HIP1R: variants seen among roughly 807,000 people sequenced by gnomAD.
The protein encoded by HIP1R is huntingtin-interacting protein 1-related protein.
HIP1R carries 135 observed loss-of-function variants against 144.2 expected under a neutral mutation model. That is an observed-to-expected ratio of 0.94 (90% CI 0.81 to 1.08). The LOEUF (loss-of-function observed/expected upper bound fraction) is 1.08, where lower values mean the gene tolerates loss of function less well. Ranked by LOEUF, HIP1R falls within the 50% of genes least tolerant of loss-of-function variation. HIP1R has a pLI of 0.00. For missense variants in HIP1R, 1,462 were observed against 1,432.8 expected (o/e 1.02, Z -0.33); for synonymous variants, 698 against 612.8 (o/e 1.14, Z -2.05).
chr12:122,858,764 GCCA>G, intron 20 of HIP1R, 71 bp from the exon 21 acceptor site: 1 of 1,043,156 alleles, frequency 9.6e-7, no homozygotes, highest in Non-Finnish European at 1.5e-6. Flanking sequence ...GGGATAGCTG[GCCA>G]CCGACGGTGG....
rs1205864811 is a variant in HIP1R at position 122,848,446 on chromosome 12, A to G, written c.158-20A>G. The G allele has an allele frequency of 3.1e-6, 5 of 1,600,796 alleles. No homozygotes were observed. In the African/African-American group the frequency reaches 5.4e-5, roughly 17 times the overall value. On this transcript the variant is annotated intron_variant, in intron 2 of 31. Transcript: ENST00000253083. ...CCCGTGCTCCAGTCTCTGCTTCCAC[A>G]CTTGGCCTTGACATTGCAGGCATCA...
chr12:122,859,448 A>T lies in HIP1R; in HGVS notation c.2318A>T (p.Asp773Val), dbSNP rs922306090. ...LGQELKPKSLDVRQEELGAVV... is the reference protein window; with the variant it reads ...LGQELKPKSLVVRQEELGAVV... Reference sequence around the variant, plus strand: ...CAGGAACTGAAACCCAAGAGCCTAGATGTGCGGCAGGAGGAGCTGGGGGCC... The same window carrying T: ...CAGGAACTGAAACCCAAGAGCCTAGTTGTGCGGCAGGAGGAGCTGGGGGCC... The change falls in exon 23 of 32, where the codon GAT (aspartate) becomes GTT (valine). Residue 773 changes from aspartate to valine, a missense_variant. This residue lies in a region of HIP1R where 1,112 missense variants were observed against 1,011.7 expected (regional missense o/e 1.10). Transcript: ENST00000253083. 1 of 1,613,404 alleles carries T rather than the reference A, an allele frequency of 6.2e-7. No homozygotes were observed. The highest frequency in any genetic ancestry group is 8.5e-7 in the Non-Finnish European group (1 of 1,179,910).
At chr12:122,858,312 C>T (rs368854103) in intron 19 of HIP1R, 37 bp from the exon 20 acceptor site, 64 of 1,591,336 alleles carry the variant, frequency 4.0e-5, no homozygotes, top group Admixed American at 2.2e-4. Flanking sequence ...CCCTGAGCAG[C>T]GGGTGGCAGG....
At chr12:122,860,283 G>A in intron 26 of HIP1R, 73 bp downstream of exon 26, 3 of 1,535,822 alleles carry the variant, frequency 2.0e-6, no homozygotes, top group Non-Finnish European at 2.6e-6. Flanking sequence ...CTGGGCATGA[G>A]ACCCTCCACC....
chr12:122,856,584 T>A, intron 16 of HIP1R, 36 bp downstream of exon 16: 3 of 1,598,580 alleles, frequency 1.9e-6, no homozygotes, highest in Non-Finnish European at 2.6e-6. Flanking sequence ...TGCCCCGGCA[T>A]CCCCAGCCCA....
rs867966807 is a variant in HIP1R, at chr12:122,859,197, G to C, written c.2295G>C (p.Gln765His). 19 of 1,570,792 alleles carry C rather than the reference G, an allele frequency of 1.2e-5. No individual in the cohort carries two copies. Among genetic ancestry groups the C allele is most frequent in the Non-Finnish European group, 1.6e-5 (19 of 1,158,622 alleles). The part of the protein sequence containing the change: ...TPLQGILQLG[Q>H]ELKPKSLDVR... The stretch of plus-strand genomic sequence containing the variant: ...TGCAGGGCATCCTTCAGCTGGGCCA[G>C]GTGAGGCACAGCTGAGTGTGGGTTT... Residue 765 changes from glutamine (Q) to histidine (H), a missense_variant and splice_region_variant, in exon 22 of 32, where the codon CAG (glutamine) becomes CAC (histidine). Coordinates refer to ENST00000253083, the MANE Select transcript of HIP1R (RefSeq NM_003959.3).
At chr12:122,848,700 G>C (rs376804189) in intron 3 of HIP1R, 92 bp downstream of exon 3, 2 of 1,596,698 alleles carry the variant, frequency 1.3e-6, no homozygotes, top group African/African-American at 1.3e-5. Flanking sequence ...CCGTAGCTCC[G>C]GGCTGTTCCT....
At chr12:122,835,966 G>A (rs935692502) in intron 1 of HIP1R, among the ~76,000 whole-genome samples, 1 of 151,598 alleles carries the variant, frequency 6.6e-6, no homozygotes, top group African/African-American at 2.4e-5. Context: ...CGGAGCTGAG[G>A]CGGCGGGGGA....
chr12:122,845,488 C>T (rs1407071830), intron 1 of HIP1R, among the ~76,000 whole-genome samples: 1 of 152,194 alleles, frequency 6.6e-6, no homozygotes, highest in Non-Finnish European at 1.5e-5. Flanking sequence ...CACTGAGGCC[C>T]AGGCGCACAG....
At position 122,859,847 on chromosome 12, in the gene HIP1R, T is replaced by TC. The variant is rs1446978131; in HGVS notation, c.2465+23dup. 9 of 1,609,236 alleles carry TC rather than the reference T, an allele frequency of 5.6e-6. No individual in the cohort carries two copies. Among genetic ancestry groups the TC allele is most frequent in the Admixed American group, 3.3e-5 (2 of 59,704 alleles). ...GAACGAGAGGTGAGCCCCCCTTCTG[T>TC]CCCCCCAGGCCCAGCCGAGGTGGGC... is the stretch of plus-strand genomic sequence containing the variant. On this transcript the variant is annotated intron_variant, in intron 24 of 31. Transcript: ENST00000253083.
chr12:122,856,269 C>T lies in HIP1R; in HGVS notation c.1326C>T (p.Ala442=). 1 of 1,613,780 alleles carries T rather than the reference C, an allele frequency of 6.2e-7. No individual in the cohort carries two copies. Among genetic ancestry groups the T allele is most frequent in the Non-Finnish European group, 8.5e-7 (1 of 1,179,978 alleles). Residue 442 remains alanine, a synonymous_variant, in exon 15 of 32, where the codon GCC becomes GCT. Coordinates refer to ENST00000253083, the MANE Select transcript of HIP1R (RefSeq NM_003959.3). ...TCTCGCCCCCAGGGAAGGCCAGTGC[C>T]ACGGAGGCGCGCTACAACAAGCTGA... ...LREEAERKAS[A]TEARYNKLKE...
intron 8 of HIP1R, 108 bp from the exon 9 acceptor site, chr12:122,854,797 A>C (rs2292136): frequency 0.028 from 33,556 of 1,203,788 alleles, 726 homozygotes; most frequent in South Asian, 0.056. Context: ...GCCCGGTCTC[A>C]GGTGATCTCT....
intron 1 of HIP1R, among the ~76,000 whole-genome samples, chr12:122,844,999 C>T (rs776055397): frequency 9.9e-5 from 15 of 152,222 alleles, no homozygotes; most frequent in Non-Finnish European, 2.1e-4. Flanking sequence ...TCACCCCACT[C>T]GGCAGCTGTG....
intron 1 of HIP1R, among the ~76,000 whole-genome samples, chr12:122,844,711 T>C (rs1429748012): frequency 6.6e-6 from 1 of 152,196 alleles, no homozygotes; most frequent in East Asian, 1.9e-4. Flanking sequence ...ACATGTGTCC[T>C]TATGATCTTC....
Position 122,858,420 on chromosome 12 carries a change from C to A in HIP1R, c.2035C>A (p.Leu679Met). 2 of 1,607,612 alleles carry A rather than the reference C, an allele frequency of 1.2e-6. No individual in the cohort carries two copies. Among genetic ancestry groups the A allele is most frequent in the Admixed American group, 1.7e-5 (1 of 59,520 alleles). Residue 679 changes from leucine to methionine, a missense_variant, in exon 20 of 32, where the codon CTG (leucine) becomes ATG (methionine). Leu to Met is a conservative substitution (Grantham distance 15, BLOSUM62 2). Around this residue, in one of 2 missense-constraint regions of HIP1R, gnomAD observed 1,112 missense variants for 1,011.7 expected, o/e 1.10. Coordinates refer to ENST00000253083, the MANE Select transcript of HIP1R (RefSeq NM_003959.3). ...CCTGGAGGAGGGCCACGCCCAGTAC[C>A]TGACCTCCTTGGCAGGTGAGTGTAG... ...STLEEGHAQY[L>M]TSLADASALV...
intron 5 of HIP1R, 173 bp downstream of exon 5, chr12:122,850,128 G>A (rs755167763): frequency 4.3e-6 from 3 of 699,330 alleles, no homozygotes; most frequent in Non-Finnish European, 5.2e-6. Flanking sequence ...AGGGCATCAC[G>A]AAGCTCCTAG....
Position 122,857,167 on chromosome 12 carries a change from G to A in HIP1R, c.1767G>A (p.Gln589=). Residue 589 remains glutamine, a synonymous_variant, in exon 18 of 32, where the codon CAG becomes CAA. Transcript: ENST00000253083. ...ETEAALSREQ[Q]RSSQEQGELQ... is the part of the protein sequence containing the mutation. Reference sequence around the variant, plus strand: ...AGGCGGCGCTGAGCCGGGAGCAGCAGCGCAGCTCCCAGGAGCAGGGCGAGT... The same window carrying A: ...AGGCGGCGCTGAGCCGGGAGCAGCAACGCAGCTCCCAGGAGCAGGGCGAGT... The A allele has an allele frequency of 6.4e-7, 1 of 1,550,440 alleles. No homozygotes were observed. Among genetic ancestry groups the A allele is most frequent in the Admixed American group, 2.0e-5 (1 of 51,008 alleles).
At chr12:122,842,457 T>A (rs111374106) in intron 1 of HIP1R, among the ~76,000 whole-genome samples, 3,636 of 152,344 alleles carry the variant, frequency 0.024, 91 homozygotes, top group South Asian at 0.061. Context: ...CCTTCGAGTG[T>A]TCACCCTTCC....
chr12:122,846,036 C>T (rs1191775714), intron 1 of HIP1R, among the ~76,000 whole-genome samples: 2 of 152,270 alleles, frequency 1.3e-5, no homozygotes, highest in African/African-American at 2.4e-5. Flanking sequence ...ACTTCGCCTC[C>T]ACCCTTCTTG....
Sources: gnomAD v4.1 joint callset for allele counts (sites outside exome capture counted in the v4.1 genomes callset) on GRCh38, gnomAD v4.1.1 for gene constraint, gnomAD v4.1.1 regional missense constraint, MANE v1.5 for transcripts, NCBI Gene and HGNC (gene_info 2026-07-23, HGNC 2026-07-21) for gene names.